The following YEATS2 variants were observed in gnomAD, a reference collection of about 807,000 sequenced individuals.
The protein encoded by YEATS2 is YEATS domain containing 2.
A neutral mutation model predicts 163.2 loss-of-function variants in YEATS2; 77 were observed. The ratio of observed to expected loss-of-function variants is 0.47; its 90% confidence interval spans 0.39 to 0.57. The LOEUF (loss-of-function observed/expected upper bound fraction) is 0.57. Ranked by LOEUF, YEATS2 falls within the 20% of genes least tolerant of loss-of-function variation. The pLI is 0.00. For missense variants in YEATS2, 1,549 were observed against 1,729.8 expected (o/e 0.90, Z 1.85); for synonymous variants, 631 against 645.1 (o/e 0.98, Z 0.33).
chr3:183,755,439 C>G (rs896486889), intron 11 of YEATS2, among the ~76,000 whole-genome samples: 1 of 152,106 alleles, frequency 6.6e-6, no homozygotes, highest in Non-Finnish European at 1.5e-5. Context: ...TTTTACCTAC[C>G]AGGTAGAAAA....
At chr3:183,720,673 G>A (rs896782088) in intron 4 of YEATS2, among the ~76,000 whole-genome samples, 5 of 152,098 alleles carry the variant, frequency 3.3e-5, no homozygotes, top group African/African-American at 9.7e-5. Flanking sequence ...TGTTAGAATC[G>A]TATTCATTTT....
chr3:183,762,532 C>G (rs1160737887), intron 15 of YEATS2, among the ~76,000 whole-genome samples: 1 of 152,214 alleles, frequency 6.6e-6, no homozygotes, highest in Non-Finnish European at 1.5e-5. Context: ...ACTGCTGTCT[C>G]TGGCAGTGGA....
intron 12 of YEATS2, among the ~76,000 whole-genome samples, chr3:183,758,352 A>T (rs1720977718): frequency 7.4e-6 from 1 of 135,568 alleles, no homozygotes; most frequent in African/African-American, 2.7e-5. Context: ...GCGAGACTCC[A>T]TCTCAGGAAA....
At position 183,723,840 on chromosome 3, in the gene YEATS2, A is replaced by G. The variant is rs370362644; in HGVS notation, c.538-579A>G. Among the ~76,000 whole-genome samples the G allele has an allele frequency of 1.4e-4, 22 of 152,212 alleles. No individual in the cohort carries two copies. The East Asian group carries it at 3.5e-3, about 24-fold the overall frequency. On this transcript the variant is annotated intron_variant, in intron 5 of 30. Coordinates refer to ENST00000305135, the MANE Select transcript of YEATS2 (RefSeq NM_018023.5). Reference sequence around the variant, plus strand: ...GGCAGGAGAATCGCTTGAACCCAGGAGGCGGAGATTGCAATGAGCCGAGAT... The same window carrying G: ...GGCAGGAGAATCGCTTGAACCCAGGGGGCGGAGATTGCAATGAGCCGAGAT...
intron 1 of YEATS2, among the ~76,000 whole-genome samples, chr3:183,702,473 C>T (rs1246016416): frequency 6.6e-6 from 1 of 151,418 alleles, no homozygotes; most frequent in African/African-American, 2.4e-5. Flanking sequence ...CCTTAAAAAT[C>T]TCAAACCCCT....
intron 15 of YEATS2, among the ~76,000 whole-genome samples, chr3:183,762,845 A>G (rs925613823): frequency 6.6e-6 from 1 of 152,106 alleles, no homozygotes; most frequent in Non-Finnish European, 1.5e-5. Context: ...TGAAGGCAGG[A>G]GTTCGAGACC....
chr3:183,758,892 C>T lies in YEATS2; in HGVS notation c.1583C>T (p.Ser528Phe), dbSNP rs1721045720. Reference protein sequence around the residue: ...GSPTNKISTASQVSQGTGSPV... With the variant: ...GSPTNKISTAFQVSQGTGSPV... ...CCTACAAACAAGATCTCCACGGCTT[C>T]TCAGGTCTCCCAAGGAACAGGTTCC... The change falls in exon 13 of 31, where the codon TCT (serine) becomes TTT (phenylalanine). Residue 528 changes from serine to phenylalanine, a missense_variant. Coordinates refer to ENST00000305135, the MANE Select transcript of YEATS2 (RefSeq NM_018023.5). 6.3e-7 allele frequency: 1 copy of T among 1,597,130 alleles called. No homozygotes were observed. The highest frequency in any genetic ancestry group is 1.2e-5 in the South Asian group (1 of 86,574).
At chr3:183,792,742 C>T (rs1724779341) in intron 21 of YEATS2, among the ~76,000 whole-genome samples, 1 of 152,134 alleles carries the variant, frequency 6.6e-6, no homozygotes, top group Admixed American at 6.5e-5. Context: ...CTCCTGACCT[C>T]AGGTGATCCG....
intron 1 of YEATS2, among the ~76,000 whole-genome samples, chr3:183,703,826 ATC>A (rs1369631862): frequency 6.6e-6 from 1 of 152,018 alleles, no homozygotes; most frequent in Non-Finnish European, 1.5e-5. Context: ...CAGGAAATGG[ATC>A]ATATGTATTT....
intron 21 of YEATS2, among the ~76,000 whole-genome samples, chr3:183,794,574 C>T (rs1019040491): frequency 6.6e-6 from 1 of 152,132 alleles, no homozygotes; most frequent in South Asian, 2.1e-4. Context: ...GGGGTTATGT[C>T]CCAGTCAGCT....
rs574479026 is a variant in YEATS2, at chr3:183,772,454, A to G, written c.2097A>G (p.Lys699=). The G allele has an allele frequency of 9.3e-6, 15 of 1,614,168 alleles. No individual in the cohort carries two copies. The highest frequency in any genetic ancestry group is 1.7e-5 in the Admixed American group (1 of 60,016). ...PKQVVTQGVA[K]AIVSGGGGTI... ...AAGTTGTAACCCAAGGAGTTGCCAAAGCAATTGTGAGTGGAGGTGGAGGAA... is the reference window on the plus strand; with the variant it reads ...AAGTTGTAACCCAAGGAGTTGCCAAGGCAATTGTGAGTGGAGGTGGAGGAA... The change falls in exon 16 of 31, where the codon AAA becomes AAG. Residue 699 remains lysine, a synonymous_variant. Transcript: ENST00000305135.
chr3:183,698,400 G>C (rs1713711111), intron 1 of YEATS2, among the ~76,000 whole-genome samples: 1 of 152,112 alleles, frequency 6.6e-6, no homozygotes, highest in African/African-American at 2.4e-5. Context: ...CATCCCCACC[G>C]GGCCTCCCTG....
rs1338208348 is a variant in YEATS2 at position 183,717,695 on chromosome 3, C to G, written c.145C>G (p.Gln49Glu). The G allele has an allele frequency of 6.4e-7, 1 of 1,567,474 alleles. No homozygotes were observed. The highest frequency in any genetic ancestry group is 8.6e-7 in the Non-Finnish European group (1 of 1,163,612). Residue 49 changes from glutamine (Q) to glutamate (E), a missense_variant, in exon 3 of 31, where the codon CAG becomes GAG. By Grantham distance (29) the Gln-to-Glu change is conservative. Coordinates refer to ENST00000305135, the MANE Select transcript of YEATS2 (RefSeq NM_018023.5). ...VQKIETIIKEQFALEMKNKEH... is the reference protein window; with the variant it reads ...VQKIETIIKEEFALEMKNKEH... The stretch of plus-strand genomic sequence containing the variant: ...GAAGATTGAGACTATTATCAAAGAA[C>G]AGTTTGCTCTTGAAATGAAGAATAA...
intron 27 of YEATS2, among the ~76,000 whole-genome samples, chr3:183,805,882 CT>C (rs1182532820): frequency 1.3e-5 from 2 of 152,172 alleles, no homozygotes; most frequent in African/African-American, 4.8e-5. Flanking sequence ...TCCTGCAGCG[CT>C]TAATATCAAC....
chr3:183,726,311 A>C (rs543235615), intron 6 of YEATS2, among the ~76,000 whole-genome samples: 1 of 152,280 alleles, frequency 6.6e-6, no homozygotes, highest in East Asian at 1.9e-4. Flanking sequence ...GGCCTTAGCG[A>C]ATTCCTAAAA....
At chr3:183,806,772 T>C in intron 27 of YEATS2, 94 bp from the exon 28 acceptor site, 2 of 1,306,592 alleles carry the variant, frequency 1.5e-6, no homozygotes, top group Non-Finnish European at 2.1e-6. Context: ...CCCTGATGCT[T>C]ATCCCCCTTC....
chr3:183,773,724 G>A lies in YEATS2; in HGVS notation c.2298G>A (p.Lys766=), dbSNP rs375103500. The change falls in exon 17 of 31, where the codon AAG becomes AAA. Residue 766 remains lysine, a synonymous_variant. Transcript: ENST00000305135. ...AACTCTACCTAACTACAAACAGCAA[G>A]AACCCTTCAGGAAAAGGAAAACTGC... is the stretch of plus-strand genomic sequence containing the variant. ...GTKLYLTTNS[K]NPSGKGKLLL... 9.9e-6 allele frequency: 16 copies of A among 1,613,564 alleles called. No homozygotes were observed. The African/African-American group carries it at 2.0e-4, about 20-fold the overall frequency.
chr3:183,718,449 C>G, intron 3 of YEATS2, 51 bp from the exon 4 acceptor site: 2 of 1,371,674 alleles, frequency 1.5e-6, no homozygotes, highest in Non-Finnish European at 2.0e-6. Context: ...GTTTGTACAT[C>G]TCTTTTATAA....
At chr3:183,749,103 C>T (rs372862446) in intron 9 of YEATS2, among the ~76,000 whole-genome samples, 28 of 152,152 alleles carry the variant, frequency 1.8e-4, no homozygotes, top group African/African-American at 5.5e-4. Flanking sequence ...CCACCACGCC[C>T]GGCTAATTTT....
Sources: gnomAD v4.1 joint callset for allele counts (sites outside exome capture counted in the v4.1 genomes callset) on GRCh38, gnomAD v4.1.1 for gene constraint, MANE v1.5 for transcripts, NCBI Gene and HGNC (gene_info 2026-07-23, HGNC 2026-07-21) for gene names.